DPH6: variants seen among roughly 807,000 people sequenced by gnomAD.
DPH6 encodes the protein diphthamine biosynthesis 6.
Under a neutral mutation model 38.2 loss-of-function variants are expected in DPH6, and 33 were observed. The ratio of observed to expected loss-of-function variants is 0.86; its 90% CI spans 0.65 to 1.15. DPH6 has a LOEUF of 1.15. DPH6 is among the 50% of genes most tolerant of loss of function. The pLI, the probability that DPH6 is intolerant of heterozygous loss-of-function variation, is 0.00. For synonymous variants in DPH6, 108 were observed against 103.0 expected (o/e 1.05, Z -0.30); for missense variants, 325 against 320.0 (o/e 1.02, Z -0.12).
chr15:35,152,108 G>A, the DPH6 span, among the ~76,000 whole-genome samples: 2 of 152,228 alleles, frequency 1.3e-5, no homozygotes, highest in Non-Finnish European at 2.9e-5. Context: ...TCTTTATTTA[G>A]AAGTTTAGTA....
At chr15:35,544,810 C>A (rs191516785) in intron 1 of DPH6, among the ~76,000 whole-genome samples, 2 of 152,330 alleles carry the variant, frequency 1.3e-5, no homozygotes, top group Admixed American at 1.3e-4. Context: ...CTCCTCCCCT[C>A]CAATACTTCT....
the DPH6 span, among the ~76,000 whole-genome samples, chr15:35,158,199 G>C: frequency 8.0e-6 from 1 of 125,286 alleles, no homozygotes; most frequent in Admixed American, 8.4e-5. Context: ...CTCTCTCAAG[G>C]AAGTGGAAGG....
At chr15:35,338,947 C>T (rs2052398100) in intron 3 of DPH6, among the ~76,000 whole-genome samples, 1 of 152,074 alleles carries the variant, frequency 6.6e-6, no homozygotes, top group East Asian at 1.9e-4. Context: ...AAACCAAACA[C>T]TGCATGTTCT....
chr15:35,265,579 C>T (rs1228808290), intron 3 of DPH6, among the ~76,000 whole-genome samples: 19 of 152,178 alleles, frequency 1.2e-4, no homozygotes, highest in Non-Finnish European at 1.5e-5. Flanking sequence ...GTAATAATAG[C>T]TTCTGAAGGT....
chr15:35,536,860 A>C (rs2055177106), intron 3 of DPH6, among the ~76,000 whole-genome samples: 1 of 152,096 alleles, frequency 6.6e-6, no homozygotes, highest in Non-Finnish European at 1.5e-5. Context: ...GACCACTAAA[A>C]GTAGGATTCT....
chr15:35,290,500 G>T (rs895120476), intron 3 of DPH6, among the ~76,000 whole-genome samples: 1 of 152,192 alleles, frequency 6.6e-6, no homozygotes, highest in African/African-American at 2.4e-5. Flanking sequence ...GACTTCAATG[G>T]TTGAGGGCAA....
intron 3 of DPH6, among the ~76,000 whole-genome samples, chr15:35,465,000 T>G (rs543585541): frequency 6.6e-6 from 1 of 152,314 alleles, no homozygotes; most frequent in South Asian, 2.1e-4. Flanking sequence ...CAGAAGGAAT[T>G]AAAGGTAGAA....
At chr15:35,530,163 G>C (rs978824858) in intron 3 of DPH6, among the ~76,000 whole-genome samples, 27 of 152,000 alleles carry the variant, frequency 1.8e-4, no homozygotes, top group Non-Finnish European at 3.4e-4. Context: ...ATAAGAATAT[G>C]GCAAAGACAA....
At chr15:35,176,472 G>GACTTTTT in the DPH6 span, among the ~76,000 whole-genome samples, 1 of 131,992 alleles carries the variant, frequency 7.6e-6, no homozygotes. Flanking sequence ...CAGTTGTAAG[G>GACTTTTT]TCTTTTTTTT....
chr15:35,439,805 T>C (rs1332734610), intron 5 of DPH6, among the ~76,000 whole-genome samples: 2 of 151,886 alleles, frequency 1.3e-5, no homozygotes, highest in Non-Finnish European at 2.9e-5. Flanking sequence ...AAAAGTCCTA[T>C]CTGAGATTCC....
At chr15:35,513,077 A>G (rs1274246093) in intron 3 of DPH6, among the ~76,000 whole-genome samples, 1 of 152,086 alleles carries the variant, frequency 6.6e-6, no homozygotes, top group Non-Finnish European at 1.5e-5. Flanking sequence ...AATGTTTCTG[A>G]TAACTTTAAG....
At chr15:35,223,485 G>A (rs535025403) in intron 3 of DPH6, among the ~76,000 whole-genome samples, 3 of 152,278 alleles carry the variant, frequency 2.0e-5, no homozygotes, top group African/African-American at 7.2e-5. Context: ...AGGAGATGGA[G>A]ACCACCCTGG....
intron 3 of DPH6, among the ~76,000 whole-genome samples, chr15:35,462,871 C>T (rs2054082311): frequency 6.6e-6 from 1 of 152,072 alleles, no homozygotes; most frequent in Admixed American, 6.6e-5. Flanking sequence ...ATGTGGACTA[C>T]ATAAAATTAC....
chr15:35,541,777 TTC>T (rs1373409185), intron 2 of DPH6, among the ~76,000 whole-genome samples: 2 of 152,120 alleles, frequency 1.3e-5, no homozygotes. Flanking sequence ...GTGAATATAT[TTC>T]TTTTTTCAAA....
chr15:35,260,184 T>C (rs778087968), intron 3 of DPH6, among the ~76,000 whole-genome samples: 4 of 152,100 alleles, frequency 2.6e-5, no homozygotes, highest in African/African-American at 4.8e-5. Flanking sequence ...TCTCAGCTCA[T>C]TGCAACCTCC....
At chr15:35,211,395 C>T in the DPH6 span, among the ~76,000 whole-genome samples, 7 of 152,224 alleles carry the variant, frequency 4.6e-5, no homozygotes, top group African/African-American at 1.7e-4. Context: ...CCAAATCTGT[C>T]CTCATAACTG....
intron 3 of DPH6, among the ~76,000 whole-genome samples, chr15:35,523,091 T>C (rs2054944819): frequency 6.6e-6 from 1 of 152,064 alleles, no homozygotes; most frequent in South Asian, 2.1e-4. Context: ...TTGTGTTTGA[T>C]GAGTTTTGCC....
chr15:35,329,231 A>G (rs1168346674), downstream of DPH6, among the ~76,000 whole-genome samples: 3 of 152,214 alleles, frequency 2.0e-5, no homozygotes, highest in African/African-American at 7.2e-5. Context: ...GCTATTATTA[A>G]CACTCAGAAT....
At chr15:35,426,490 T>C (rs16960910) in intron 5 of DPH6, among the ~76,000 whole-genome samples, 50,945 of 151,586 alleles carry the variant, frequency 0.34, 10,108 homozygotes, top group African/African-American at 0.56. Context: ...ACACGATGTG[T>C]AGAAGCATTA....
Sources: allele counts gnomAD v4.1 joint callset (sites outside exome capture counted in the v4.1 genomes callset), GRCh38; gene constraint gnomAD v4.1.1; transcripts MANE v1.5; gene names NCBI Gene and HGNC (gene_info 2026-07-23, HGNC 2026-07-21).